Variants in ZZZ3 observed in about 807,000 individuals in gnomAD.
ZZZ3 encodes zinc finger ZZ-type containing 3.
Under a neutral mutation model 95.2 loss-of-function variants are expected in ZZZ3, and 22 were observed. The observed-to-expected ratio is 0.23, with a 90% confidence interval of 0.17 to 0.33. ZZZ3 has a LOEUF of 0.33. Ranked by LOEUF, ZZZ3 falls within the 10% of genes least tolerant of loss-of-function variation. The probability of loss-of-function intolerance (pLI) is 1.00; values close to 1 mark genes in which losing one functional copy is unlikely to be tolerated. For synonymous variants in ZZZ3, 335 were observed against 358.9 expected, an observed-to-expected ratio of 0.93 and a Z score of 0.75; for missense variants, 885 against 1,066.5, an observed-to-expected ratio of 0.83 and a Z score of 2.37.
chr1:77,650,611 T>A (rs1192933629), intron 1 of ZZZ3, among the ~76,000 whole-genome samples: 1 of 147,378 alleles, frequency 6.8e-6, no homozygotes, highest in Non-Finnish European at 1.5e-5. Flanking sequence ...GCAGTAAACA[T>A]GTGTTAGAAA....
intron 5 of ZZZ3, among the ~76,000 whole-genome samples, chr1:77,599,813 A>G (rs926470995): frequency 6.6e-6 from 1 of 152,152 alleles, no homozygotes; most frequent in African/African-American, 2.4e-5. Context: ...ATCTTCTAAC[A>G]AAACATGTCA....
intron 5 of ZZZ3, among the ~76,000 whole-genome samples, chr1:77,628,109 G>A (rs1667481896): frequency 6.6e-6 from 1 of 152,272 alleles, no homozygotes; most frequent in South Asian, 2.1e-4. Flanking sequence ...CTGTTTCAGT[G>A]CTCCTGATTC....
chr1:77,648,996 G>C (rs1201717032), intron 1 of ZZZ3, among the ~76,000 whole-genome samples: 2 of 152,056 alleles, frequency 1.3e-5, no homozygotes, highest in Non-Finnish European at 2.9e-5. Context: ...GAGTGGTGGT[G>C]TGTGCCTGTG....
chr1:77,655,234 C>T (rs544445394), intron 1 of ZZZ3, among the ~76,000 whole-genome samples: 5 of 152,266 alleles, frequency 3.3e-5, no homozygotes, highest in South Asian at 4.1e-4. Context: ...TCTTAAAGGT[C>T]CCACCTCTCA....
intron 8 of ZZZ3, among the ~76,000 whole-genome samples, chr1:77,581,357 T>C (rs1479831462): frequency 2.6e-5 from 4 of 152,210 alleles, no homozygotes; most frequent in African/African-American, 4.8e-5. Context: ...AAAAGTAACA[T>C]GTCCACTGAG....
rs147641111 is a variant in ZZZ3, at chr1:77,572,994, T to C, written c.2331+3074A>G. Among the ~76,000 whole-genome samples the C allele has an allele frequency of 2.6e-3, 400 of 152,200 alleles. 2 individuals carry two copies. The highest frequency in any genetic ancestry group is 8.6e-3 in the African/African-American group (357 of 41,522). The stretch of plus-strand genomic sequence containing the variant: ...CCACCACCACTCTTCATCTGGCCAA[T>C]TTTTATCCATACTTCAAGTACCATC... On this transcript the variant is annotated intron_variant, in intron 12 of 14. Transcript: ENST00000370801.
chr1:77,597,994 A>G (rs372864731), intron 5 of ZZZ3, among the ~76,000 whole-genome samples: 1 of 152,152 alleles, frequency 6.6e-6, no homozygotes, highest in Non-Finnish European at 1.5e-5. Context: ...TATGTTCTAG[A>G]TATTTCTGTA....
chr1:77,596,272 T>C (rs986400912), intron 5 of ZZZ3, among the ~76,000 whole-genome samples: 13 of 152,142 alleles, frequency 8.5e-5, no homozygotes, highest in Admixed American at 3.3e-4. Context: ...AGGCTACATA[T>C]ACTTTATGAT....
intron 5 of ZZZ3, among the ~76,000 whole-genome samples, chr1:77,607,143 C>T (rs1570486550): frequency 6.6e-6 from 1 of 152,302 alleles, no homozygotes; most frequent in South Asian, 2.1e-4. Context: ...AATTGACTCA[C>T]AATTCCACAT....
intron 13 of ZZZ3, among the ~76,000 whole-genome samples, chr1:77,566,757 A>C (rs1034541572): frequency 2.6e-5 from 4 of 152,176 alleles, no homozygotes; most frequent in African/African-American, 9.7e-5. Context: ...ACTCCTAATA[A>C]CCAATGCCCA....
chr1:77,648,053 A>T (rs1230676738), intron 1 of ZZZ3, among the ~76,000 whole-genome samples: 1 of 152,190 alleles, frequency 6.6e-6, no homozygotes, highest in Non-Finnish European at 1.5e-5. Context: ...GAATGCCTGG[A>T]ATCCAATCAG....
At chr1:77,587,258 C>CTT (rs34952237) in intron 5 of ZZZ3, among the ~76,000 whole-genome samples, 121 of 85,214 alleles carry the variant, frequency 1.4e-3, no homozygotes, top group South Asian at 1.6e-3. Context: ...AACTTTGACC[C>CTT]TTTTTTTTTT....
At chr1:77,610,295 A>G (rs1413382166) in intron 5 of ZZZ3, among the ~76,000 whole-genome samples, 1 of 152,026 alleles carries the variant, frequency 6.6e-6, no homozygotes, top group Non-Finnish European at 1.5e-5. Context: ...ACAGACCAAT[A>G]ACAAGTAACA....
At chr1:77,620,497 G>A (rs1666750787) in intron 5 of ZZZ3, among the ~76,000 whole-genome samples, 3 of 114,412 alleles carry the variant, frequency 2.6e-5, no homozygotes, top group Admixed American at 2.3e-4. Context: ...AAGGAAGGAA[G>A]GAAGGAAGGA....
chr1:77,598,130 G>GA (rs947558681), intron 5 of ZZZ3, among the ~76,000 whole-genome samples: 44 of 152,120 alleles, frequency 2.9e-4, no homozygotes, highest in African/African-American at 9.2e-4. Flanking sequence ...TTTGACTCCC[G>GA]AAAACTTAAC....
At chr1:77,590,580 G>A (rs1049528940) in intron 5 of ZZZ3, among the ~76,000 whole-genome samples, 2 of 152,202 alleles carry the variant, frequency 1.3e-5, no homozygotes, top group Admixed American at 1.3e-4. Flanking sequence ...GCCAAGCCAT[G>A]CTCTAGATTA....
intron 1 of ZZZ3, among the ~76,000 whole-genome samples, chr1:77,656,709 T>C (rs1306537922): frequency 1.3e-5 from 2 of 152,196 alleles, no homozygotes; most frequent in Non-Finnish European, 2.9e-5. Context: ...AACCAACCTC[T>C]AAGCTGGACT....
At chr1:77,679,577 G>A (rs1363510806) in intron 1 of ZZZ3, among the ~76,000 whole-genome samples, 1 of 152,114 alleles carries the variant, frequency 6.6e-6, no homozygotes, top group African/African-American at 2.4e-5. Context: ...TGAGCCACCA[G>A]GCCCAGCTTA....
chr1:77,647,888 A>T (rs183416271), intron 1 of ZZZ3, among the ~76,000 whole-genome samples: 1 of 152,328 alleles, frequency 6.6e-6, no homozygotes. Flanking sequence ...ACTGAGCTCT[A>T]GACTAAAGAC....
Sources: gnomAD v4.1 joint callset for allele counts (sites outside exome capture counted in the v4.1 genomes callset) on GRCh38, gnomAD v4.1.1 for gene constraint, MANE v1.5 for transcripts, NCBI Gene and HGNC (gene_info 2026-07-23, HGNC 2026-07-21) for gene names.